FHOD3: variants seen among roughly 807,000 people sequenced by gnomAD.
FHOD3 encodes FH1/FH2 domain-containing protein 3.
In FHOD3, 90 loss-of-function variants were observed where a neutral mutation model predicts 173.0. That is an observed-to-expected ratio of 0.52 (90% CI 0.44 to 0.62). The LOEUF (loss-of-function observed/expected upper bound fraction) is 0.62. Ranked by LOEUF, FHOD3 falls within the 20% of genes least tolerant of loss-of-function variation. The pLI, the probability that FHOD3 is intolerant of heterozygous loss-of-function variation, is 0.00. For missense variants in FHOD3, 1,945 were observed against 2,034.7 expected, an observed-to-expected ratio of 0.96 and a Z score of 0.85; for synonymous variants, 828 against 823.0, an observed-to-expected ratio of 1.01 and a Z score of -0.10.
rs1028562886 is a variant in FHOD3 at position 36,340,678 on chromosome 18, C to T, written c.166-14861C>T. Among the ~76,000 whole-genome samples the T allele has an allele frequency of 2.8e-4, 43 of 151,582 alleles. 1 individual carries two copies. The highest frequency in any genetic ancestry group is 2.6e-3 in the Admixed American group (39 of 15,194). On this transcript the variant is annotated intron_variant, in intron 1 of 28. Coordinates refer to ENST00000590592, the MANE Select transcript of FHOD3 (RefSeq NM_001281740.3). ...TTCAGACAGAATCTTGCTCTGTCAC[C>T]CAGGCTGGAGTGCAGTGTCACGATC...
rs562407839 is a variant in FHOD3, at chr18:36,332,096, T to C, written c.166-23443T>C. On this transcript the variant is annotated intron_variant, in intron 1 of 28. Coordinates refer to ENST00000590592, the MANE Select transcript of FHOD3 (RefSeq NM_001281740.3). ...GCAGTGTTCCCTTCAGCCAGAGTCC[T>C]CTTCTGAGAAAGCTTAACATTGTGC... Among the ~76,000 whole-genome samples, 12 of 152,356 alleles carry C rather than the reference T, an allele frequency of 7.9e-5. No homozygotes were observed. In the South Asian group the frequency reaches 1.0e-3, roughly 13 times the overall value.
At chr18:36,501,294 C>T (rs2055020318) in intron 3 of FHOD3, among the ~76,000 whole-genome samples, 1 of 152,172 alleles carries the variant, frequency 6.6e-6, no homozygotes, top group Admixed American at 6.5e-5. Context: ...TGGCTTCCTG[C>T]CCAGAGGCCC....
rs116199181 is a variant in FHOD3, at chr18:36,590,055, C to A, written c.607-4732C>A. On this transcript the variant is annotated intron_variant, in intron 6 of 28. Coordinates refer to ENST00000590592, the MANE Select transcript of FHOD3 (RefSeq NM_001281740.3). ...GCTCTGGCATCCTTGCAGCTTGTTC[C>A]ACTCGCCTCGTTTGTGACACTCTCT... Among the ~76,000 whole-genome samples, 982 of 152,234 alleles carry A rather than the reference C, an allele frequency of 6.5e-3. 12 individuals are homozygous for A. Among genetic ancestry groups the A allele is most frequent in the African/African-American group, 0.023 (940 of 41,538 alleles).
At chr18:36,433,697 T>C (rs2050671979) in intron 3 of FHOD3, among the ~76,000 whole-genome samples, 1 of 152,192 alleles carries the variant, frequency 6.6e-6, no homozygotes, top group Non-Finnish European at 1.5e-5. Flanking sequence ...CAGTGATGAA[T>C]AAGCACATCT....
At chr18:36,672,974 C>T (rs934642640) in intron 14 of FHOD3, among the ~76,000 whole-genome samples, 2 of 151,996 alleles carry the variant, frequency 1.3e-5, no homozygotes, top group Non-Finnish European at 2.9e-5. Flanking sequence ...TTAATCTCTC[C>T]TATTTGTCTT....
chr18:36,367,656 G>A (rs1208332012), intron 2 of FHOD3, among the ~76,000 whole-genome samples: 2 of 152,076 alleles, frequency 1.3e-5, no homozygotes, highest in Non-Finnish European at 1.5e-5. Context: ...CCCTATGAAG[G>A]CAGATATCAA....
intron 8 of FHOD3, among the ~76,000 whole-genome samples, chr18:36,605,458 C>G (rs1486565950): frequency 1.3e-5 from 2 of 152,174 alleles, no homozygotes; most frequent in Admixed American, 1.3e-4. Flanking sequence ...TCTGGCAGTT[C>G]TTTCTCATCC....
rs141583555 is a variant in FHOD3, at chr18:36,567,338, A to G, written c.512-9113A>G. ...AAAAGAAGAGAAAGGATTACAAACC[A>G]TGGGCTTAGCATGCTGAGACAGAAT... On this transcript the variant is annotated intron_variant, in intron 5 of 28. Transcript: ENST00000590592. Among the ~76,000 whole-genome samples, 238 of 152,306 alleles carry G rather than the reference A, an allele frequency of 1.6e-3. 1 individual carries two copies. Among genetic ancestry groups the G allele is most frequent in the African/African-American group, 5.4e-3 (226 of 41,558 alleles).
rs148844695 is a variant in FHOD3 at position 36,434,551 on chromosome 18, A to G, written c.337+61807A>G. 1.9e-3 allele frequency among the ~76,000 whole-genome samples: 282 copies of G among 152,268 alleles called. 3 individuals are homozygous for G. Among genetic ancestry groups the G allele is most frequent in the African/African-American group, 6.3e-3 (261 of 41,562 alleles). On this transcript the variant is annotated intron_variant, in intron 3 of 28. Coordinates refer to ENST00000590592, the MANE Select transcript of FHOD3 (RefSeq NM_001281740.3). ...ATTGTTCTATGCCCTTTGTATTTCT[A>G]TATACATTTTAATAATCAGATTGTT... is the stretch of plus-strand genomic sequence containing the variant.
chr18:36,502,493 G>A (rs1475839927), intron 4 of FHOD3, among the ~76,000 whole-genome samples: 1 of 152,090 alleles, frequency 6.6e-6, no homozygotes, highest in Non-Finnish European at 1.5e-5. Flanking sequence ...GTGAGAACAT[G>A]TGGTGTTTGG....
chr18:36,724,113 G>C (rs1445841809), intron 19 of FHOD3, among the ~76,000 whole-genome samples: 1 of 152,190 alleles, frequency 6.6e-6, no homozygotes, highest in Non-Finnish European at 1.5e-5. Flanking sequence ...TTTACTTGGA[G>C]GTTTAATTTG....
chr18:36,604,529 G>A (rs1599841857), intron 8 of FHOD3, among the ~76,000 whole-genome samples: 1 of 152,162 alleles, frequency 6.6e-6, no homozygotes. Context: ...CATTGGTGGG[G>A]ACGGGTTAGG....
chr18:36,610,338 A>G (rs2148600756), intron 8 of FHOD3, among the ~76,000 whole-genome samples: 1 of 152,344 alleles, frequency 6.6e-6, no homozygotes, highest in East Asian at 1.9e-4. Context: ...GGATGATAGG[A>G]TTCTTTGAAT....
At chr18:36,632,247 G>A (rs1206057916) in intron 10 of FHOD3, among the ~76,000 whole-genome samples, 1 of 152,152 alleles carries the variant, frequency 6.6e-6, no homozygotes, top group Non-Finnish European at 1.5e-5. Context: ...CATAATTTTT[G>A]TAGTATTGAA....
chr18:36,405,874 G>A (rs2049032832), intron 3 of FHOD3, among the ~76,000 whole-genome samples: 1 of 152,154 alleles, frequency 6.6e-6, no homozygotes, highest in Non-Finnish European at 1.5e-5. Context: ...GTTAAATGAA[G>A]TGAGGCTCTG....
intron 19 of FHOD3, among the ~76,000 whole-genome samples, chr18:36,721,367 T>C (rs900818836): frequency 6.6e-6 from 1 of 152,170 alleles, no homozygotes; most frequent in African/African-American, 2.4e-5. Flanking sequence ...TTGGCCATGA[T>C]GGGTGGCTCA....
intron 1 of FHOD3, among the ~76,000 whole-genome samples, chr18:36,300,743 CTCTT>C (rs1371155030): frequency 1.3e-5 from 2 of 149,692 alleles, no homozygotes; most frequent in Admixed American, 6.7e-5. Flanking sequence ...TTTTTTTTTT[CTCTT>C]TCTTTTTTGT....
intron 3 of FHOD3, among the ~76,000 whole-genome samples, chr18:36,447,039 C>CA (rs2144095303): frequency 6.6e-6 from 1 of 152,266 alleles, no homozygotes; most frequent in Admixed American, 6.5e-5. Context: ...AAGATGCTTG[C>CA]AAATGGCACC....
intron 9 of FHOD3, among the ~76,000 whole-genome samples, chr18:36,617,898 A>G (rs1019664508): frequency 6.6e-6 from 1 of 152,176 alleles, no homozygotes; most frequent in Non-Finnish European, 1.5e-5. Context: ...CAATTTTGCT[A>G]AATTACATTT....
Sources: allele counts gnomAD v4.1 joint callset (sites outside exome capture counted in the v4.1 genomes callset), GRCh38; gene constraint gnomAD v4.1.1; transcripts MANE v1.5; gene names NCBI Gene and HGNC (gene_info 2026-07-23, HGNC 2026-07-21).